TTC23: variants seen among roughly 807,000 people sequenced by gnomAD.
TTC23 encodes the protein tetratricopeptide repeat protein 23.
Under a neutral mutation model 55.1 loss-of-function variants are expected in TTC23, and 58 were observed. The ratio of observed to expected loss-of-function variants is 1.05; its 90% CI spans 0.85 to 1.31. TTC23 has a LOEUF of 1.31. Ranked by LOEUF, TTC23 falls within the 50% of genes most tolerant of loss-of-function variation. The pLI is 0.00. For synonymous variants in TTC23, 203 were observed against 199.9 expected, an observed-to-expected ratio of 1.02 and a Z score of -0.13; for missense variants, 516 against 534.4, an observed-to-expected ratio of 0.97 and a Z score of 0.34.
chr15:99,212,218 T>A lies in TTC23; in HGVS notation c.581+6370A>T, dbSNP rs541707709. Among the ~76,000 whole-genome samples the A allele has an allele frequency of 9.2e-4, 140 of 152,094 alleles. 1 individual carries two copies. Among genetic ancestry groups the A allele is most frequent in the Non-Finnish European group, 1.2e-3 (84 of 68,008 alleles). ...ACATGTTCTGGAGCAATAGTCTCAA[T>A]AGGTCATCATCATGCTGCATAGAAA... is the stretch of plus-strand genomic sequence containing the variant. On this transcript the variant is annotated intron_variant, in intron 8 of 13. Coordinates refer to ENST00000394132, the MANE Select transcript of TTC23 (RefSeq NM_001288615.3).
At chr15:99,179,526 C>G (rs1395848141) in intron 9 of TTC23, among the ~76,000 whole-genome samples, 1 of 152,252 alleles carries the variant, frequency 6.6e-6, no homozygotes, top group Non-Finnish European at 1.5e-5. Context: ...GTTTATTCTA[C>G]AAGTTCTTGA....
chr15:99,243,399 A>T (rs1468821979), intron 2 of TTC23, among the ~76,000 whole-genome samples: 1 of 152,210 alleles, frequency 6.6e-6, no homozygotes, highest in African/African-American at 2.4e-5. Context: ...GTTGGTGGGA[A>T]TGCAAGTTAT....
Position 99,137,932 on chromosome 15 carries a change from T to G in TTC23, c.*78A>C. ...TGTATCCTGACTGTTGAATTCCATTTTCTAGGCGGAGGTGATTTGTACAGC... is the reference window on the plus strand; with the variant it reads ...TGTATCCTGACTGTTGAATTCCATTGTCTAGGCGGAGGTGATTTGTACAGC... On this transcript the variant is annotated 3_prime_UTR_variant, in exon 14 of 14. Coordinates refer to ENST00000394132, the MANE Select transcript of TTC23 (RefSeq NM_001288615.3). 1 of 1,579,054 alleles carries G rather than the reference T, an allele frequency of 6.3e-7. No homozygotes were observed. The highest frequency in any genetic ancestry group is 1.7e-5 in the Admixed American group (1 of 57,630).
chr15:99,236,598 G>A (rs796933599), intron 3 of TTC23, among the ~76,000 whole-genome samples: 12 of 151,692 alleles, frequency 7.9e-5, no homozygotes, highest in African/African-American at 1.2e-4. Context: ...CTGTTGCCCC[G>A]GCTGGTCTCC....
chr15:99,193,563 G>A (rs748675458), intron 9 of TTC23, among the ~76,000 whole-genome samples: 6 of 152,188 alleles, frequency 3.9e-5, no homozygotes, highest in Non-Finnish European at 8.8e-5. Flanking sequence ...ATATGGAACT[G>A]TCAGTCCAAT....
At chr15:99,184,889 G>A (rs2074519653) in intron 9 of TTC23, among the ~76,000 whole-genome samples, 1 of 152,280 alleles carries the variant, frequency 6.6e-6, no homozygotes, top group East Asian at 1.9e-4. Flanking sequence ...TGTCATGGGA[G>A]GGACCTGTGG....
chr15:99,225,429 C>G (rs921777492), intron 5 of TTC23, among the ~76,000 whole-genome samples: 1 of 152,086 alleles, frequency 6.6e-6, no homozygotes, highest in African/African-American at 2.4e-5. Flanking sequence ...GCTGGAAAGT[C>G]GAGATGATTT....
At chr15:99,184,610 C>G (rs974473464) in intron 9 of TTC23, among the ~76,000 whole-genome samples, 2 of 152,188 alleles carry the variant, frequency 1.3e-5, no homozygotes, top group Non-Finnish European at 2.9e-5. Context: ...ATCTGTACCC[C>G]CACTGTATCT....
chr15:99,240,864 A>G (rs1397373125), intron 3 of TTC23, among the ~76,000 whole-genome samples: 1 of 152,156 alleles, frequency 6.6e-6, no homozygotes, highest in Non-Finnish European at 1.5e-5. Context: ...CTAATTTCAG[A>G]GATGTTCAAA....
chr15:99,159,361 G>A (rs932575068), intron 11 of TTC23: 3 of 152,212 alleles, frequency 2.0e-5, no homozygotes, highest in South Asian at 2.1e-4. Flanking sequence ...TCACAGGTTC[G>A]GTCTAGTTGC....
intron 10 of TTC23, among the ~76,000 whole-genome samples, chr15:99,171,559 C>CTTTTTTTTTTT (rs35676358): frequency 2.2e-5 from 2 of 92,302 alleles, no homozygotes; most frequent in Admixed American, 1.4e-4. Flanking sequence ...GTCTCTCCGT[C>CTTTTTTTTTTT]TTTTTTTTTT....
chr15:99,166,454 G>A (rs763756284), intron 10 of TTC23, among the ~76,000 whole-genome samples: 75 of 152,234 alleles, frequency 4.9e-4, no homozygotes, highest in Admixed American at 1.3e-3. Context: ...ACTTACGGAC[G>A]CCCAGTCATA....
chr15:99,165,055 A>G (rs774099614), intron 10 of TTC23, among the ~76,000 whole-genome samples: 6 of 152,232 alleles, frequency 3.9e-5, no homozygotes, highest in Non-Finnish European at 7.3e-5. Flanking sequence ...TGAATAAATG[A>G]TAACAGGACT....
At chr15:99,217,285 G>A (rs753731763) in intron 8 of TTC23, among the ~76,000 whole-genome samples, 4 of 151,880 alleles carry the variant, frequency 2.6e-5, no homozygotes, top group African/African-American at 4.8e-5. Context: ...AGCCTCCTGA[G>A]TAGCTGGGAT....
At chr15:99,144,653 C>T (rs2151842301) in intron 12 of TTC23, 1 of 152,290 alleles carries the variant, frequency 6.6e-6, no homozygotes, top group Middle Eastern at 3.4e-3. Flanking sequence ...AGTTACAAGG[C>T]TACGTGACTC....
rs79860841 is a variant in TTC23 at position 99,238,999 on chromosome 15, G to A, written c.-114+2366C>T. Reference sequence around the variant, plus strand: ...GAGCTAGGGGGAAAGTAAAATGCTGGATTTCAGGCTAAGAAGGCATTCATT... The same window carrying A: ...GAGCTAGGGGGAAAGTAAAATGCTGAATTTCAGGCTAAGAAGGCATTCATT... On this transcript the variant is annotated intron_variant, in intron 3 of 13. Transcript: ENST00000394132. Among the ~76,000 whole-genome samples, 731 of 152,258 alleles carry A rather than the reference G, an allele frequency of 4.8e-3. 3 individuals carry two copies. Among genetic ancestry groups the A allele is most frequent in the Middle Eastern group, 0.01 (3 of 294 alleles).
intron 9 of TTC23, among the ~76,000 whole-genome samples, chr15:99,190,375 C>G (rs1158804569): frequency 6.6e-6 from 1 of 151,118 alleles, no homozygotes; most frequent in African/African-American, 2.4e-5. Flanking sequence ...TGGGTTCAAG[C>G]GATTCTCCTG....
At chr15:99,243,235 C>A (rs903626739) in intron 2 of TTC23, among the ~76,000 whole-genome samples, 1 of 152,098 alleles carries the variant, frequency 6.6e-6, no homozygotes, top group Non-Finnish European at 1.5e-5. Flanking sequence ...AAATAACCAA[C>A]AAGTATATGA....
chr15:99,229,724 G>A (rs543118429), intron 4 of TTC23, among the ~76,000 whole-genome samples: 1 of 152,232 alleles, frequency 6.6e-6, no homozygotes, highest in Non-Finnish European at 1.5e-5. Context: ...TAAGGTTACA[G>A]GGAACAGTGT....
Sources: gnomAD v4.1 joint callset for allele counts (sites outside exome capture counted in the v4.1 genomes callset) on GRCh38, gnomAD v4.1.1 for gene constraint, MANE v1.5 for transcripts, NCBI Gene and HGNC (gene_info 2026-07-23, HGNC 2026-07-21) for gene names.